The following RHBDD1 variants were observed in gnomAD, a reference collection of about 807,000 sequenced individuals.
RHBDD1 encodes rhomboid-related protein 4.
In RHBDD1, 38 loss-of-function variants were observed where a neutral mutation model predicts 36.3. The ratio of observed to expected loss-of-function variants is 1.05; its 90% confidence interval spans 0.81 to 1.37. RHBDD1 has a LOEUF of 1.37. Ranked by LOEUF, RHBDD1 falls within the 40% of genes most tolerant of loss-of-function variation. The pLI is 0.00. For synonymous variants in RHBDD1, 151 were observed against 136.5 expected (o/e 1.11, Z -0.74); for missense variants, 393 against 377.6 (o/e 1.04, Z -0.34).
intron 8 of RHBDD1, among the ~76,000 whole-genome samples, chr2:226,949,653 CA>C (rs1255230870): frequency 6.6e-6 from 1 of 152,062 alleles, no homozygotes. Flanking sequence ...TTGCTAGGAC[CA>C]TCATAACTAA....
intron 5 of RHBDD1, among the ~76,000 whole-genome samples, chr2:226,880,373 T>G (rs563581045): frequency 6.6e-6 from 1 of 152,312 alleles, no homozygotes; most frequent in Admixed American, 6.5e-5. Flanking sequence ...GAAAGTTATT[T>G]GAGTCATAAG....
chr2:226,960,937 A>G (rs918524111), intron 8 of RHBDD1, among the ~76,000 whole-genome samples: 4 of 152,164 alleles, frequency 2.6e-5, no homozygotes, highest in African/African-American at 9.7e-5. Flanking sequence ...AAATTGTTTT[A>G]TGGTAGTTAT....
At chr2:226,894,446 T>C (rs977518792) in intron 5 of RHBDD1, among the ~76,000 whole-genome samples, 1 of 152,068 alleles carries the variant, frequency 6.6e-6, no homozygotes, top group African/African-American at 2.4e-5. Context: ...AATTTTTGTA[T>C]TTTTAGTAGA....
At chr2:226,991,386 T>G (rs1355109871) in intron 8 of RHBDD1, among the ~76,000 whole-genome samples, 3 of 152,288 alleles carry the variant, frequency 2.0e-5, no homozygotes, top group East Asian at 3.9e-4. Context: ...TTCACCACGT[T>G]GGCCCGGATG....
the RHBDD1 span, among the ~76,000 whole-genome samples, chr2:226,811,604 A>G: frequency 1.3e-5 from 2 of 152,232 alleles, no homozygotes; most frequent in African/African-American, 4.8e-5. Context: ...CGCCCAGCCA[A>G]TAGTGGAATT....
intron 5 of RHBDD1, among the ~76,000 whole-genome samples, chr2:226,877,212 G>A (rs1317927239): frequency 1.3e-5 from 2 of 152,156 alleles, no homozygotes; most frequent in Non-Finnish European, 2.9e-5. Flanking sequence ...ATTAAAATCT[G>A]TTGATCTGTC....
intron 8 of RHBDD1, among the ~76,000 whole-genome samples, chr2:226,978,878 C>G (rs1559335691): frequency 6.6e-6 from 1 of 152,002 alleles, no homozygotes; most frequent in Non-Finnish European, 1.5e-5. Context: ...AAAAGCTCTC[C>G]CAGCTACTGT....
the RHBDD1 span, among the ~76,000 whole-genome samples, chr2:226,802,672 T>C: frequency 6.6e-6 from 1 of 152,240 alleles, no homozygotes; most frequent in South Asian, 2.1e-4. Context: ...GAACAAGCTA[T>C]TACCAAAATC....
intron 5 of RHBDD1, among the ~76,000 whole-genome samples, chr2:226,900,008 G>C (rs1021220489): frequency 4.6e-5 from 7 of 152,172 alleles, no homozygotes; most frequent in African/African-American, 1.7e-4. Flanking sequence ...TTGGTTTGGT[G>C]CTGATGTCTG....
chr2:226,917,928 T>G (rs1334824480), intron 8 of RHBDD1, among the ~76,000 whole-genome samples: 1 of 152,022 alleles, frequency 6.6e-6, no homozygotes, highest in East Asian at 1.9e-4. Flanking sequence ...GATTTTTGAA[T>G]ATAGGACTTT....
intron 8 of RHBDD1, among the ~76,000 whole-genome samples, chr2:226,958,033 C>T (rs1443967343): frequency 2.0e-5 from 3 of 152,172 alleles, no homozygotes; most frequent in Non-Finnish European, 4.4e-5. Flanking sequence ...ATATATTAAT[C>T]ACCAATTTTT....
At chr2:226,888,352 A>C (rs1490028158) in intron 5 of RHBDD1, among the ~76,000 whole-genome samples, 1 of 152,168 alleles carries the variant, frequency 6.6e-6, no homozygotes, top group African/African-American at 2.4e-5. Flanking sequence ...ATAGATCAAA[A>C]ATTCAGACTT....
At chr2:226,945,425 CTG>C (rs1457195399) in intron 8 of RHBDD1, among the ~76,000 whole-genome samples, 1 of 151,918 alleles carries the variant, frequency 6.6e-6, no homozygotes, top group Non-Finnish European at 1.5e-5. Flanking sequence ...TTTCCTGTTC[CTG>C]TGTTAGTTTG....
intron 8 of RHBDD1, among the ~76,000 whole-genome samples, chr2:226,971,395 ACAGTGAAG>A (rs2149339066): frequency 6.6e-6 from 1 of 152,342 alleles, no homozygotes; most frequent in Admixed American, 6.5e-5. Flanking sequence ...CACTGTCATC[ACAGTGAAG>A]CAGAACGGGC....
chr2:226,995,581 C>T lies in RHBDD1; in HGVS notation c.*59C>T. On this transcript the variant is annotated 3_prime_UTR_variant, in exon 9 of 9. Transcript: ENST00000392062. ...TAATTATTGCCCATTTGGCTCATTC[C>T]CCAAGCCCCTAATTCATTTTAATTC... 2.6e-6 allele frequency: 3 copies of T among 1,136,660 alleles called. No homozygotes were observed. Among genetic ancestry groups the T allele is most frequent in the East Asian group, 4.8e-5 (2 of 41,692 alleles). 70.4% of individuals were successfully genotyped at this position (1,136,660 alleles called of 1,614,324 possible). A position where few individuals can be genotyped will look rare whatever the true frequency, so the allele number is the denominator to read the frequency against.
intron 5 of RHBDD1, among the ~76,000 whole-genome samples, chr2:226,896,472 T>C (rs1947104191): frequency 6.6e-6 from 1 of 152,186 alleles, no homozygotes; most frequent in African/African-American, 2.4e-5. Context: ...CAAGATCTGT[T>C]GTAGTAGTAT....
intron 8 of RHBDD1, among the ~76,000 whole-genome samples, chr2:226,928,477 T>C (rs979642374): frequency 1.3e-5 from 2 of 152,026 alleles, no homozygotes; most frequent in Non-Finnish European, 1.5e-5. Flanking sequence ...ACACAAGATA[T>C]CAAAACCTCT....
At chr2:226,938,418 A>G (rs2149139342) in intron 8 of RHBDD1, among the ~76,000 whole-genome samples, 1 of 152,230 alleles carries the variant, frequency 6.6e-6, no homozygotes, top group Admixed American at 6.5e-5. Context: ...TTTGCTGTGC[A>G]GAATCAGAAA....
intron 3 of RHBDD1, among the ~76,000 whole-genome samples, chr2:226,856,331 A>G (rs958749372): frequency 2.6e-5 from 4 of 152,334 alleles, no homozygotes; most frequent in Admixed American, 1.3e-4. Context: ...TTTTCACTAA[A>G]TGCAAATATA....
Sources: gnomAD v4.1 joint callset for allele counts (sites outside exome capture counted in the v4.1 genomes callset) on GRCh38, gnomAD v4.1.1 for gene constraint, MANE v1.5 for transcripts, NCBI Gene and HGNC (gene_info 2026-07-23, HGNC 2026-07-21) for gene names.